The following RGS7 variants were observed in gnomAD, a reference collection of about 807,000 sequenced individuals.
RGS7 encodes the protein regulator of G-protein signaling 7.
Under a neutral mutation model 81.1 loss-of-function variants are expected in RGS7, and 27 were observed. The ratio of observed to expected loss-of-function variants is 0.33; its 90% CI spans 0.25 to 0.46. The LOEUF (loss-of-function observed/expected upper bound fraction) is 0.46. Among genes scored for constraint, RGS7 ranks in the 20% least tolerant of loss-of-function variants. RGS7 has a pLI of 1.00. For synonymous variants in RGS7, 208 were observed against 207.7 expected (o/e 1.00, Z -0.01); for missense variants, 396 against 607.4 (o/e 0.65, Z 3.66).
chr1:240,868,507 T>C lies in RGS7; in HGVS notation c.609+80A>G. The C allele has an allele frequency of 8.2e-7, 1 of 1,219,810 alleles. No individual in the cohort carries two copies. Among genetic ancestry groups the C allele is most frequent in the South Asian group, 1.2e-5 (1 of 83,150 alleles). The allele number at this position is 1,219,810 out of a possible 1,614,324, so 75.6% of individuals were successfully genotyped here. A position where few individuals can be genotyped will look rare whatever the true frequency, so the allele number is the denominator to read the frequency against. On this transcript the variant is annotated intron_variant, in intron 9 of 18. Coordinates refer to ENST00000440928, the MANE Select transcript of RGS7 (RefSeq NM_001364886.1). The surrounding 1 kb of genome is among the most constrained non-coding windows in gnomAD (Gnocchi z 5.1). Reference sequence around the variant, plus strand: ...GCGTGCATGGGGTCACTACAGTCTTTCACTTACTTTGGCAGGGCACCCCTC... The same window carrying C: ...GCGTGCATGGGGTCACTACAGTCTTCCACTTACTTTGGCAGGGCACCCCTC...
chr1:240,812,597 G>A (rs1365522021), intron 13 of RGS7, among the ~76,000 whole-genome samples: 1 of 151,920 alleles, frequency 6.6e-6, no homozygotes, highest in Non-Finnish European at 1.5e-5. Flanking sequence ...ACTATGCCCG[G>A]CTACTTTTTG....
At chr1:241,084,122 T>TG (rs2063302816) in intron 3 of RGS7, among the ~76,000 whole-genome samples, 1 of 152,254 alleles carries the variant, frequency 6.6e-6, no homozygotes, top group Admixed American at 6.5e-5. Flanking sequence ...CAGTCCATTT[T>TG]ACCAAGTTTG....
Position 240,806,089 on chromosome 1 carries a change from G to A in RGS7, c.1269+51C>T, listed in dbSNP as rs989002200. The A allele has an allele frequency of 5.4e-6, 8 of 1,493,302 alleles. 1 individual carries two copies. In the Middle Eastern group the frequency reaches 6.6e-4, roughly 124 times the overall value. The allele number at this position is 1,493,302 out of a possible 1,614,324, so 92.5% of individuals were successfully genotyped here. ...TGAAAATAAAATGAATACATCTAAC[G>A]CTCAACTTCTCGGAAGCACGTTTGT... On this transcript the variant is annotated intron_variant, in intron 15 of 18. Transcript: ENST00000440928.
At position 240,959,430 on chromosome 1, in the gene RGS7, G is replaced by A. The variant is rs561317900; in HGVS notation, c.227-22724C>T. Among the ~76,000 whole-genome samples, 12 of 152,218 alleles carry A rather than the reference G, an allele frequency of 7.9e-5. No individual in the cohort carries two copies. In the South Asian group the frequency reaches 1.7e-3, roughly 21 times the overall value. On this transcript the variant is annotated intron_variant, in intron 4 of 18. Coordinates refer to ENST00000440928, the MANE Select transcript of RGS7 (RefSeq NM_001364886.1). Reference sequence around the variant, plus strand: ...AAGCTGTGCAGCATGTGACTGTACCGAATACTGTAGGCAACTGTAACACAA... The same window carrying A: ...AAGCTGTGCAGCATGTGACTGTACCAAATACTGTAGGCAACTGTAACACAA...
At chr1:241,161,225 G>C (rs903083040) in intron 2 of RGS7, among the ~76,000 whole-genome samples, 2 of 152,106 alleles carry the variant, frequency 1.3e-5, no homozygotes, top group African/African-American at 2.4e-5. Flanking sequence ...CCATAGTGAT[G>C]AATGTATCCA....
intron 15 of RGS7, 58 bp from the exon 16 acceptor site, chr1:240,803,051 T>C: frequency 8.5e-7 from 1 of 1,181,802 alleles, no homozygotes; most frequent in African/African-American, 1.5e-5. Context: ...AAGTAAAATA[T>C]CATGATGTCA....
At chr1:240,781,492 A>G (rs895396634) in intron 18 of RGS7, among the ~76,000 whole-genome samples, 25 of 152,140 alleles carry the variant, frequency 1.6e-4, no homozygotes, top group African/African-American at 5.8e-4. Flanking sequence ...TGCAATCTCA[A>G]CTACTCAGGA....
At chr1:240,799,287 TTGTGTGTGTGTG>T (rs71678488) in intron 18 of RGS7, among the ~76,000 whole-genome samples, 1 of 142,420 alleles carries the variant, frequency 7.0e-6, no homozygotes, top group African/African-American at 2.6e-5. Context: ...GTGTCTATGT[TTGTGTGTGTGTG>T]TGTGTGTGTG....
chr1:241,330,219 G>T (rs1053768688), intron 2 of RGS7, among the ~76,000 whole-genome samples: 1 of 152,158 alleles, frequency 6.6e-6, no homozygotes, highest in African/African-American at 2.4e-5. Context: ...GATTACAGGC[G>T]TGAGCCACCC....
chr1:241,171,344 T>G (rs1032082111), intron 2 of RGS7, among the ~76,000 whole-genome samples: 3 of 152,190 alleles, frequency 2.0e-5, no homozygotes, highest in African/African-American at 7.2e-5. Flanking sequence ...CTCAGCATAA[T>G]TCCATAAGGC....
At chr1:240,829,426 T>G (rs1405148270) in intron 9 of RGS7, among the ~76,000 whole-genome samples, 1 of 152,106 alleles carries the variant, frequency 6.6e-6, no homozygotes, top group African/African-American at 2.4e-5. Context: ...TAAGCATTTG[T>G]TTTTTAAAAA....
intron 9 of RGS7, among the ~76,000 whole-genome samples, chr1:240,857,129 T>C (rs1661284361): frequency 6.6e-6 from 1 of 152,238 alleles, no homozygotes; most frequent in Admixed American, 6.5e-5. Flanking sequence ...TTTGTTCTTG[T>C]GGTCGGATAT....
At chr1:241,111,459 G>A (rs546167303) in intron 2 of RGS7, among the ~76,000 whole-genome samples, 2 of 152,166 alleles carry the variant, frequency 1.3e-5, no homozygotes, top group Admixed American at 6.5e-5. Flanking sequence ...TTCTACAATT[G>A]TCTGCCCCGC....
At chr1:240,881,616 A>T (rs12063953) in intron 6 of RGS7, among the ~76,000 whole-genome samples, 24 of 152,208 alleles carry the variant, frequency 1.6e-4, no homozygotes, top group African/African-American at 5.8e-4. Flanking sequence ...TTAGCAATGC[A>T]CTTATAAGAA....
intron 9 of RGS7, among the ~76,000 whole-genome samples, chr1:240,846,850 C>T (rs1572391661): frequency 6.6e-6 from 1 of 152,096 alleles, no homozygotes; most frequent in African/African-American, 2.4e-5. Flanking sequence ...GTGCATGTGG[C>T]CAGGAACTGA....
chr1:241,223,893 G>C (rs976506151), intron 2 of RGS7, among the ~76,000 whole-genome samples: 1 of 151,510 alleles, frequency 6.6e-6, no homozygotes, highest in Non-Finnish European at 1.5e-5. Flanking sequence ...TCATTGAAAT[G>C]TGCAGGTACA....
intron 6 of RGS7, among the ~76,000 whole-genome samples, chr1:240,922,005 C>T (rs1673632814): frequency 6.6e-6 from 1 of 151,568 alleles, no homozygotes; most frequent in Non-Finnish European, 1.5e-5. Flanking sequence ...TTACTATAAA[C>T]CTATAGTAAT....
chr1:241,066,471 C>G (rs780281414), intron 3 of RGS7, among the ~76,000 whole-genome samples: 32 of 152,308 alleles, frequency 2.1e-4, no homozygotes, highest in Admixed American at 5.2e-4. Flanking sequence ...CTGTTTGCTT[C>G]TCCTTAGCCA....
At chr1:241,127,706 A>T (rs889043947) in intron 2 of RGS7, among the ~76,000 whole-genome samples, 5 of 152,232 alleles carry the variant, frequency 3.3e-5, no homozygotes, top group South Asian at 2.1e-4. Context: ...AATAAAATTT[A>T]AAAAAAGAAT....
Sources: allele counts gnomAD v4.1 joint callset (sites outside exome capture counted in the v4.1 genomes callset), GRCh38; gene constraint gnomAD v4.1.1; non-coding constraint Gnocchi (gnomAD v3.1); transcripts MANE v1.5; gene names NCBI Gene and HGNC (gene_info 2026-07-23, HGNC 2026-07-21).